Variants in CFAP53 observed in about 807,000 individuals in gnomAD.
CFAP53 encodes cilia- and flagella-associated protein 53.
In CFAP53, 62 loss-of-function variants were observed where a neutral mutation model predicts 59.7. That is an observed-to-expected ratio of 1.04 (90% CI 0.85 to 1.28). The LOEUF is 1.28. Ranked by LOEUF, CFAP53 falls within the 50% of genes most tolerant of loss-of-function variation. The pLI is 0.00. For missense variants in CFAP53, 629 were observed against 615.6 expected (o/e 1.02, Z -0.23); for synonymous variants, 218 against 205.7 (o/e 1.06, Z -0.51).
chr18:50,229,801 A>G (rs2033562406), intron 7 of CFAP53, among the ~76,000 whole-genome samples: 1 of 145,536 alleles, frequency 6.9e-6, no homozygotes, highest in South Asian at 2.1e-4. Context: ...CACTACTGGC[A>G]CAATCACACA....
chr18:50,236,371 C>T (rs185380430), intron 7 of CFAP53, among the ~76,000 whole-genome samples: 6 of 152,314 alleles, frequency 3.9e-5, no homozygotes, highest in Admixed American at 1.3e-4. Context: ...CCTAGTTATG[C>T]GCTTCAGCAA....
At chr18:50,228,366 G>C (rs1048188187) in intron 7 of CFAP53, among the ~76,000 whole-genome samples, 25 of 152,114 alleles carry the variant, frequency 1.6e-4, no homozygotes, top group Admixed American at 5.2e-4. Flanking sequence ...CATGCTGCTG[G>C]GGACTGGGTG....
At chr18:50,251,339 T>C (rs559272152) in intron 4 of CFAP53, 142 bp downstream of exon 4, 2 of 731,822 alleles carry the variant, frequency 2.7e-6, no homozygotes, top group Non-Finnish European at 4.4e-6. Flanking sequence ...GGATACATTA[T>C]TAAACAGCAC....
At chr18:50,235,981 T>A (rs2033629328) in intron 7 of CFAP53, among the ~76,000 whole-genome samples, 1 of 152,162 alleles carries the variant, frequency 6.6e-6, no homozygotes, top group African/African-American at 2.4e-5. Flanking sequence ...GTAAAAGGAG[T>A]CAGGCTGGTG....
intron 6 of CFAP53, among the ~76,000 whole-genome samples, chr18:50,241,791 T>C (rs916954562): frequency 5.3e-5 from 8 of 152,122 alleles, no homozygotes; most frequent in Non-Finnish European, 5.9e-5. Context: ...TTAGAATTAC[T>C]GATGAGGGTC....
At chr18:50,246,661 A>T (rs776607160) in intron 5 of CFAP53, among the ~76,000 whole-genome samples, 3 of 152,234 alleles carry the variant, frequency 2.0e-5, no homozygotes, top group Non-Finnish European at 2.9e-5. Context: ...GATTCAAAGG[A>T]CATCATCAAA....
At chr18:50,236,163 G>C (rs1425581868) in intron 7 of CFAP53, among the ~76,000 whole-genome samples, 1 of 152,130 alleles carries the variant, frequency 6.6e-6, no homozygotes, top group Non-Finnish European at 1.5e-5. Context: ...ATGCAAGTCA[G>C]CTCCCTGCTA....
At chr18:50,250,737 G>A in intron 5 of CFAP53, 21 bp downstream of exon 5, 1 of 1,590,578 alleles carries the variant, frequency 6.3e-7, no homozygotes, top group Non-Finnish European at 8.6e-7. Flanking sequence ...GCAGGTAGCA[G>A]GCACCAAAAA....
In CFAP53 at chr18:50,238,703, G is replaced by A; in HGVS notation, c.1216C>T (p.Gln406Ter). ...TCTTCCTGTTCTTTAGCTTCTCGTT[G>A]CACTAAGAAAAGCAAAAGTAATTAT... is the stretch of plus-strand genomic sequence containing the variant. ...TRKLQVQEKLQREAKEQEERA... is the reference protein window; with the variant it reads ...TRKLQVQEKL The change falls in exon 7 of 8, where the codon CAA becomes TAA. Residue 406 changes from glutamine to a stop codon, truncating the protein, a stop_gained and splice_region_variant. Transcript: ENST00000398545. LOFTEE classifies it high-confidence loss of function. The A allele has an allele frequency of 6.2e-7, 1 of 1,607,604 alleles. No homozygotes were observed. The highest frequency in any genetic ancestry group is 8.5e-7 in the Non-Finnish European group (1 of 1,177,072).
At chr18:50,237,327 A>AAAAAAAAAATATATAT (rs2033644797) in intron 7 of CFAP53, among the ~76,000 whole-genome samples, 1 of 7,950 alleles carries the variant, frequency 1.3e-4, no homozygotes, top group Non-Finnish European at 4.4e-4. Flanking sequence ...AAAAAAAAAA[A>AAAAAAAAAATATATAT]AAATATATAT....
intron 6 of CFAP53, among the ~76,000 whole-genome samples, chr18:50,240,084 GATTACCTGCTCCACCCTGACTCATTCAA>G (rs1409887655): frequency 6.6e-6 from 1 of 151,246 alleles, no homozygotes; most frequent in Non-Finnish European, 1.5e-5. Context: ...GACTCATTCA[GATTACCTGCTCCACCCTGACTCATTCAA>G]ATTACCTGCT....
At chr18:50,246,079 G>A (rs568046871) in intron 5 of CFAP53, among the ~76,000 whole-genome samples, 24 of 152,064 alleles carry the variant, frequency 1.6e-4, no homozygotes, top group African/African-American at 4.1e-4. Context: ...TGGTAGAGAC[G>A]GGGTTTCACC....
intron 7 of CFAP53, among the ~76,000 whole-genome samples, chr18:50,235,845 C>T (rs940224788): frequency 8.5e-5 from 13 of 152,196 alleles, no homozygotes; most frequent in African/African-American, 3.1e-4. Context: ...GACCAACTAA[C>T]AATCCTAGGT....
chr18:50,238,775 C>T (rs2033661176), intron 6 of CFAP53, 70 bp from the exon 7 acceptor site: 9 of 1,126,092 alleles, frequency 8.0e-6, no homozygotes, highest in Non-Finnish European at 1.2e-5. Flanking sequence ...TTTCTGGGCA[C>T]CAGAGTCATA....
In CFAP53 at chr18:50,250,915, G is replaced by A. The variant is rs1451059064; in HGVS notation, c.839C>T (p.Ala280Val). Residue 280 changes from alanine (A) to valine (V), a missense_variant, in exon 5 of 8, where the codon GCA (alanine) becomes GTA (valine). Transcript: ENST00000398545. ...CAAAATGGTCCTAGTTTCCTGCTTT[G>A]CCTTCTGTTTCTTTAGCATATCCTG... ...NEQDMLKKQK[A>V]KQETRTILQK... 3 of 1,614,100 alleles carry A rather than the reference G, an allele frequency of 1.9e-6. No individual in the cohort carries two copies. The highest frequency in any genetic ancestry group is 2.5e-6 in the Non-Finnish European group (3 of 1,180,022).
chr18:50,251,450 T>C (rs766221203), intron 4 of CFAP53, 31 bp downstream of exon 4: 2 of 1,586,886 alleles, frequency 1.3e-6, no homozygotes, highest in East Asian at 2.2e-5. Flanking sequence ...ATGGCGTTGA[T>C]CACCCTCTAA....
chr18:50,249,501 G>A (rs2033777655), intron 5 of CFAP53, among the ~76,000 whole-genome samples: 1 of 151,242 alleles, frequency 6.6e-6, no homozygotes, highest in Non-Finnish European at 1.5e-5. Context: ...CTGAGTGACA[G>A]GGCAAGACTG....
At chr18:50,238,568 G>T in intron 7 of CFAP53, 35 bp downstream of exon 7, 1 of 1,492,624 alleles carries the variant, frequency 6.7e-7, no homozygotes, top group Non-Finnish European at 9.3e-7. Context: ...CCATTTTTTA[G>T]GTAGCAAATG....
Position 50,228,556 on chromosome 18 carries a change from G to C in CFAP53, c.1317-947C>G, listed in dbSNP as rs117303152. Among the ~76,000 whole-genome samples, 1,118 of 152,004 alleles carry C rather than the reference G, an allele frequency of 7.4e-3. 26 individuals are homozygous for C. The East Asian group carries it at 0.075, about 10-fold the overall frequency. ...ATGTAATCCCAGCACTTGGGAGGCT[G>C]AGGTTGGGTGGATCACCTGAGGTCA... is the stretch of plus-strand genomic sequence containing the variant. On this transcript the variant is annotated intron_variant, in intron 7 of 7. Transcript: ENST00000398545.
Sources: gnomAD v4.1 joint callset for allele counts (sites outside exome capture counted in the v4.1 genomes callset) on GRCh38, gnomAD v4.1.1 for gene constraint, MANE v1.5 for transcripts, NCBI Gene and HGNC (gene_info 2026-07-23, HGNC 2026-07-21) for gene names.